The following GRIK2 variants were observed in gnomAD, a reference collection of about 807,000 sequenced individuals.
The protein encoded by GRIK2 is glutamate ionotropic receptor kainate type subunit 2.
In GRIK2, 32 loss-of-function variants were observed where a neutral mutation model predicts 100.3. The observed-to-expected ratio is 0.32, with a 90% CI of 0.24 to 0.43. The LOEUF (loss-of-function observed/expected upper bound fraction) is 0.43. Among genes scored for constraint, GRIK2 ranks in the 20% least tolerant of loss-of-function variants. The probability of loss-of-function intolerance (pLI) is 1.00; values close to 1 mark genes in which losing one functional copy is unlikely to be tolerated. For missense variants in GRIK2, 843 were observed against 1,114.9 expected, an observed-to-expected ratio of 0.76 and a Z score of 3.47; for synonymous variants, 417 against 389.4, an observed-to-expected ratio of 1.07 and a Z score of -0.83.
chr6:101,435,408 A>G (rs1441268517), intron 2 of GRIK2, among the ~76,000 whole-genome samples: 1 of 149,374 alleles, frequency 6.7e-6, no homozygotes. Flanking sequence ...TTTTTTGGCA[A>G]TAAAAGAAAG....
At chr6:101,793,031 GT>G (rs1485015052) in intron 7 of GRIK2, among the ~76,000 whole-genome samples, 42 of 152,092 alleles carry the variant, frequency 2.8e-4, no homozygotes, top group African/African-American at 1.0e-3. Context: ...TCTTCACGCA[GT>G]TCTCGAGCCT....
intron 2 of GRIK2, among the ~76,000 whole-genome samples, chr6:101,509,537 G>A (rs6570989): frequency 0.25 from 38,360 of 152,004 alleles, 6,038 homozygotes; most frequent in East Asian, 0.48. Context: ...TGAAAGCTTA[G>A]GAAGAAATTG....
chr6:101,777,595 T>A (rs1374192983), intron 7 of GRIK2, among the ~76,000 whole-genome samples: 2 of 151,632 alleles, frequency 1.3e-5, no homozygotes, highest in Admixed American at 1.3e-4. Flanking sequence ...CAATAGGGAT[T>A]TTTTTTTATT....
chr6:101,676,992 A>T (rs1196219233), intron 5 of GRIK2, among the ~76,000 whole-genome samples, 188 bp downstream of exon 5: 2 of 152,136 alleles, frequency 1.3e-5, no homozygotes, highest in Admixed American at 1.3e-4. Flanking sequence ...AACATTGATG[A>T]TCTTCAAAAC....
chr6:101,704,993 A>T (rs977572787), intron 7 of GRIK2, among the ~76,000 whole-genome samples: 1 of 131,530 alleles, frequency 7.6e-6, no homozygotes, highest in South Asian at 2.1e-4. Context: ...ATATTTATAT[A>T]TTATATTACA....
chr6:101,663,565 T>G (rs2128334998), intron 4 of GRIK2, among the ~76,000 whole-genome samples: 1 of 152,314 alleles, frequency 6.6e-6, no homozygotes, highest in South Asian at 2.1e-4. Context: ...TGGATTATGC[T>G]TGTTGTCTTT....
intron 12 of GRIK2, among the ~76,000 whole-genome samples, chr6:101,923,973 C>T (rs1789725109): frequency 6.8e-6 from 1 of 147,060 alleles, no homozygotes; most frequent in Non-Finnish European, 1.5e-5. Flanking sequence ...ACTTTGATAT[C>T]ATGCTGATTG....
intron 2 of GRIK2, among the ~76,000 whole-genome samples, chr6:101,544,828 G>A (rs989123888): frequency 7.2e-5 from 11 of 152,178 alleles, no homozygotes; most frequent in Non-Finnish European, 1.6e-4. Context: ...GGCAGTGGTA[G>A]AGGTGAAATT....
At chr6:102,026,084 T>A (rs764686940) in intron 14 of GRIK2, among the ~76,000 whole-genome samples, 40 of 139,790 alleles carry the variant, frequency 2.9e-4, no homozygotes, top group Non-Finnish European at 5.6e-4. Flanking sequence ...ATTATTTTAA[T>A]GGTAAAGGCA....
chr6:101,628,990 T>A (rs1780587334), intron 4 of GRIK2, among the ~76,000 whole-genome samples: 1 of 152,108 alleles, frequency 6.6e-6, no homozygotes, highest in Admixed American at 6.6e-5. Flanking sequence ...ATAATGGGAT[T>A]TGCAATCAGG....
chr6:102,058,639 C>T (rs191832110), intron 16 of GRIK2, among the ~76,000 whole-genome samples: 6 of 151,312 alleles, frequency 4.0e-5, no homozygotes, highest in Non-Finnish European at 8.9e-5. Flanking sequence ...ATTAGCCATA[C>T]GATAGTCCTA....
chr6:101,992,054 A>G (rs1230799695), intron 14 of GRIK2, among the ~76,000 whole-genome samples: 1 of 151,660 alleles, frequency 6.6e-6, no homozygotes, highest in Non-Finnish European at 1.5e-5. Context: ...ATTGCTGCAC[A>G]GTGTATTTGC....
chr6:101,737,003 CAG>C (rs1562345670), intron 7 of GRIK2, among the ~76,000 whole-genome samples: 1 of 152,152 alleles, frequency 6.6e-6, no homozygotes, highest in African/African-American at 2.4e-5. Context: ...ATCTTTAGGT[CAG>C]GGGCAAAATG....
At chr6:102,043,145 TATTA>T (rs1770683365) in intron 15 of GRIK2, among the ~76,000 whole-genome samples, 1 of 151,812 alleles carries the variant, frequency 6.6e-6, no homozygotes, top group East Asian at 1.9e-4. Flanking sequence ...AATGCGTTTA[TATTA>T]TTTAAAAAAA....
intron 14 of GRIK2, among the ~76,000 whole-genome samples, chr6:102,009,525 T>C (rs111448979): frequency 3.3e-5 from 5 of 152,230 alleles, no homozygotes; most frequent in Non-Finnish European, 7.4e-5. Context: ...AAGGAAGAAC[T>C]TCTCTTTCCC....
chr6:101,622,094 T>C lies in GRIK2; in HGVS notation c.261T>C (p.Asp87=), dbSNP rs370074245. 46 of 1,599,230 alleles carry C rather than the reference T, an allele frequency of 2.9e-5. No individual in the cohort carries two copies. Among genetic ancestry groups the C allele is most frequent in the Non-Finnish European group, 3.3e-5 (38 of 1,167,458 alleles). Residue 87 remains aspartate (D), a synonymous_variant, in exon 3 of 17, where the codon GAT becomes GAC. Coordinates refer to ENST00000369134, the MANE Select transcript of GRIK2 (RefSeq NM_021956.5). ...ATACCCAGAAGATAAACCTTTATGATAGTTTTGAAGCATCCAAGAAAGGTA... is the reference window on the plus strand; with the variant it reads ...ATACCCAGAAGATAAACCTTTATGACAGTTTTGAAGCATCCAAGAAAGGTA... ...TYDTQKINLY[D]SFEASKKACD...
intron 14 of GRIK2, among the ~76,000 whole-genome samples, chr6:101,955,575 C>CT (rs1328583186): frequency 3.6e-5 from 3 of 83,920 alleles, no homozygotes; most frequent in Admixed American, 1.3e-4. Context: ...AGAGCAAGGC[C>CT]TTCTCTCTCT....
chr6:101,534,603 G>C (rs973876427), intron 2 of GRIK2, among the ~76,000 whole-genome samples: 5 of 151,808 alleles, frequency 3.3e-5, no homozygotes, highest in African/African-American at 1.2e-4. Context: ...CCACTTAGTG[G>C]TTTTAGTTAT....
chr6:101,664,107 G>A (rs1170849533), intron 4 of GRIK2, among the ~76,000 whole-genome samples: 4 of 152,132 alleles, frequency 2.6e-5, no homozygotes, highest in African/African-American at 4.8e-5. Context: ...TCTCAGTTAT[G>A]GGAGACAATG....
Sources: allele counts gnomAD v4.1 joint callset (sites outside exome capture counted in the v4.1 genomes callset), GRCh38; gene constraint gnomAD v4.1.1; transcripts MANE v1.5; gene names NCBI Gene and HGNC (gene_info 2026-07-23, HGNC 2026-07-21).